RUNX1: variants seen among roughly 807,000 people sequenced by gnomAD.
The protein encoded by RUNX1 is RUNX family transcription factor 1, also known as runt-related transcription factor 1.
RUNX1 carries 19 observed loss-of-function variants against 42.8 expected under a neutral mutation model. The observed-to-expected ratio is 0.44, with a 90% confidence interval of 0.31 to 0.65. The LOEUF (loss-of-function observed/expected upper bound fraction) is 0.65, where lower values mean the gene tolerates loss of function less well. Among genes scored for constraint, RUNX1 ranks in the 30% least tolerant of loss-of-function variants. The pLI, the probability that RUNX1 is intolerant of heterozygous loss-of-function variation, is 0.07. For synonymous variants in RUNX1, 271 were observed against 289.4 expected, an observed-to-expected ratio of 0.94 and a Z score of 0.64; for missense variants, 528 against 672.0, an observed-to-expected ratio of 0.79 and a Z score of 2.37.
Position 35,048,963 on chromosome 21 carries a change from G to A in RUNX1, c.-59-5C>T, listed in dbSNP as rs556553023. The A allele has an allele frequency of 1.2e-5, 18 of 1,488,412 alleles. No individual in the cohort carries two copies. The highest frequency in any genetic ancestry group is 2.3e-5 in the East Asian group (1 of 44,264). 92.2% of individuals were successfully genotyped at this position (1,488,412 alleles called of 1,614,324 possible). On this transcript the variant is annotated splice_polypyrimidine_tract_variant and splice_region_variant and intron_variant, in intron 1 of 8. Coordinates refer to ENST00000675419, the MANE Select transcript of RUNX1 (RefSeq NM_001754.5). ...GGACTCAATGATTTCTTTTACCTTC[G>A]GAGCGAAAACCAAGACAGGTCACTG...
chr21:34,993,392 G>C (rs1477779052), intron 2 of RUNX1, among the ~76,000 whole-genome samples: 1 of 152,104 alleles, frequency 6.6e-6, no homozygotes, highest in Non-Finnish European at 1.5e-5. Flanking sequence ...TACCAGAGGG[G>C]CTCCTAGGAA....
intron 2 of RUNX1, among the ~76,000 whole-genome samples, chr21:34,904,597 G>A (rs902614787): frequency 1.3e-5 from 2 of 152,118 alleles, no homozygotes; most frequent in African/African-American, 4.8e-5. Context: ...CTAATCTTAA[G>A]TAACTACATA....
At chr21:34,796,668 A>G (rs887898398) in intron 8 of RUNX1, among the ~76,000 whole-genome samples, 1 of 152,218 alleles carries the variant, frequency 6.6e-6, no homozygotes, top group Non-Finnish European at 1.5e-5. Context: ...GCCTCGCTAC[A>G]GGGCCCCTCC....
intron 2 of RUNX1, among the ~76,000 whole-genome samples, chr21:34,954,105 T>C (rs1302474689): frequency 2.6e-5 from 4 of 152,232 alleles, no homozygotes; most frequent in East Asian, 1.9e-4. Flanking sequence ...TTTGTGTCAC[T>C]TGAGATATTA....
At chr21:34,997,765 T>C (rs1470492879) in intron 2 of RUNX1, among the ~76,000 whole-genome samples, 4 of 152,230 alleles carry the variant, frequency 2.6e-5, no homozygotes, top group African/African-American at 9.6e-5. Context: ...TGGAGCTTAG[T>C]GCAGAAGGGG....
chr21:34,825,691 T>C (rs371193494), intron 7 of RUNX1, among the ~76,000 whole-genome samples: 11 of 152,330 alleles, frequency 7.2e-5, no homozygotes, highest in African/African-American at 2.6e-4. Context: ...GTTTGAACGG[T>C]GGCTCCAGAA....
rs182824579 is a variant in RUNX1, at chr21:35,043,964, C to G, written c.58+4878G>C. 1.8e-4 allele frequency among the ~76,000 whole-genome samples: 28 copies of G among 152,298 alleles called. No homozygotes were observed. The East Asian group carries it at 5.2e-3, about 28-fold the overall frequency. ...GAGCCTTGGAGAAAATAAAGCTACA[C>G]CAGCAGTCTCAATGAAAAGAGACAT... On this transcript the variant is annotated intron_variant, in intron 2 of 8. Transcript: ENST00000675419.
At position 34,886,817 on chromosome 21, in the gene RUNX1, T is replaced by G. The variant is rs758149867; in HGVS notation, c.351+26A>C. On this transcript the variant is annotated intron_variant, in intron 4 of 8. Transcript: ENST00000675419. ...CGGCCTCGCCGGCCTCCGCCTGTCC[T>G]CCCACCACCCTCTCCGGGCCAGTAC... The G allele has an allele frequency of 3.1e-6, 5 of 1,611,942 alleles. No homozygotes were observed. The African/African-American group carries it at 6.7e-5, about 22-fold the overall frequency.
chr21:34,985,073 G>A (rs1330013109), intron 2 of RUNX1, among the ~76,000 whole-genome samples: 1 of 152,188 alleles, frequency 6.6e-6, no homozygotes, highest in Non-Finnish European at 1.5e-5. Context: ...AAGTAGTTAT[G>A]TGATTCCAAT....
At chr21:34,826,974 G>A (rs1231724908) in intron 7 of RUNX1, among the ~76,000 whole-genome samples, 3 of 152,208 alleles carry the variant, frequency 2.0e-5, no homozygotes, top group Non-Finnish European at 4.4e-5. Context: ...CAATTCTGGT[G>A]AGGGCTCTGA....
intron 5 of RUNX1, among the ~76,000 whole-genome samples, chr21:34,874,525 G>A (rs146566160): frequency 4.5e-4 from 64 of 142,188 alleles, no homozygotes; most frequent in Non-Finnish European, 6.8e-4. Context: ...TAGGAGAATC[G>A]CTTGAACCTG....
intron 2 of RUNX1, among the ~76,000 whole-genome samples, chr21:34,996,704 G>A (rs2058999561): frequency 1.3e-5 from 2 of 151,874 alleles, no homozygotes; most frequent in South Asian, 4.2e-4. Flanking sequence ...ACTGTAAGTG[G>A]AAAAAAAGAT....
At chr21:35,009,817 G>A (rs1228698157) in intron 2 of RUNX1, among the ~76,000 whole-genome samples, 1 of 152,092 alleles carries the variant, frequency 6.6e-6, no homozygotes, top group African/African-American at 2.4e-5. Flanking sequence ...TTTTCAGGAG[G>A]GTTTAAAATT....
chr21:34,827,329 A>C (rs985027776), intron 7 of RUNX1, among the ~76,000 whole-genome samples: 3 of 152,224 alleles, frequency 2.0e-5, no homozygotes, highest in Non-Finnish European at 2.9e-5. Context: ...ATGTGATAGC[A>C]AAAGAATGAC....
chr21:35,000,448 G>T (rs2059033185), intron 2 of RUNX1, among the ~76,000 whole-genome samples: 1 of 152,014 alleles, frequency 6.6e-6, no homozygotes, highest in African/African-American at 2.4e-5. Flanking sequence ...CACCGTGTTA[G>T]CCAGGATGGT....
chr21:34,976,257 C>T (rs962898347), intron 2 of RUNX1, among the ~76,000 whole-genome samples: 1 of 152,144 alleles, frequency 6.6e-6, no homozygotes, highest in Non-Finnish European at 1.5e-5. Flanking sequence ...TTTATTAGCA[C>T]ATATCTTGCA....
At chr21:35,025,108 C>T (rs911898253) in intron 2 of RUNX1, among the ~76,000 whole-genome samples, 1 of 152,190 alleles carries the variant, frequency 6.6e-6, no homozygotes, top group African/African-American at 2.4e-5. Context: ...CCTCTCCCTC[C>T]CAGGGGATGA....
intron 2 of RUNX1, among the ~76,000 whole-genome samples, chr21:35,044,046 A>G (rs2059379357): frequency 6.6e-6 from 1 of 152,210 alleles, no homozygotes; most frequent in Non-Finnish European, 1.5e-5. Context: ...TGCCCCAACT[A>G]GCCTCCATAT....
chr21:34,797,938 A>C (rs935128318), intron 8 of RUNX1: 1 of 444,038 alleles, frequency 2.3e-6, no homozygotes, highest in Non-Finnish European at 4.6e-6. Flanking sequence ...ATGCTGCTAA[A>C]TATTCTCCGA....
Sources: allele counts gnomAD v4.1 joint callset (sites outside exome capture counted in the v4.1 genomes callset), GRCh38; gene constraint gnomAD v4.1.1; transcripts MANE v1.5; gene names NCBI Gene and HGNC (gene_info 2026-07-23, HGNC 2026-07-21).